SLC2A14: variants seen among roughly 807,000 people sequenced by gnomAD.
SLC2A14 encodes the protein solute carrier family 2 member 14.
SLC2A14 carries 13 observed loss-of-function variants against 43.0 expected under a neutral mutation model. The observed-to-expected ratio is 0.30, with a 90% CI of 0.20 to 0.48. SLC2A14 has a LOEUF of 0.48. Ranked by LOEUF, SLC2A14 falls within the 20% of genes least tolerant of loss-of-function variation. SLC2A14 has a pLI of 0.99. For missense variants in SLC2A14, 428 were observed against 620.4 expected (o/e 0.69, Z 3.29); for synonymous variants, 190 against 233.8 (o/e 0.81, Z 1.71).
At chr12:7,828,934 A>C in intron 5 of SLC2A14, 68 bp from the exon 6 acceptor site, 2 of 1,568,664 alleles carry the variant, frequency 1.3e-6, no homozygotes, top group Non-Finnish European at 1.7e-6. Context: ...TTGAAACACA[A>C]AAAGTTGGCT....
chr12:7,840,084 C>G (rs771697499), intron 2 of SLC2A14, among the ~76,000 whole-genome samples: 1 of 144,168 alleles, frequency 6.9e-6, no homozygotes, highest in Non-Finnish European at 1.5e-5. Flanking sequence ...TGAACTCCAG[C>G]CTGGGAGACA....
chr12:7,858,884 C>T (rs1389690970), intron 2 of SLC2A14, among the ~76,000 whole-genome samples: 1 of 152,128 alleles, frequency 6.6e-6, no homozygotes, highest in Non-Finnish European at 1.5e-5. Context: ...AATCATTACC[C>T]AATCCAAGAT....
intron 1 of SLC2A14, among the ~76,000 whole-genome samples, chr12:7,883,577 T>C (rs1945630418): frequency 6.8e-6 from 1 of 146,490 alleles, no homozygotes; most frequent in African/African-American, 2.5e-5. Context: ...CTTTTTCTTT[T>C]TCTTTTTCTT....
intron 1 of SLC2A14, among the ~76,000 whole-genome samples, chr12:7,885,932 T>C (rs1218486506): frequency 6.6e-6 from 1 of 152,092 alleles, no homozygotes; most frequent in Non-Finnish European, 1.5e-5. Context: ...TAGATACATA[T>C]GTGAAGATTT....
At chr12:7,855,056 C>T (rs1488294766) in intron 2 of SLC2A14, among the ~76,000 whole-genome samples, 1 of 152,082 alleles carries the variant, frequency 6.6e-6, no homozygotes, top group African/African-American at 2.4e-5. Context: ...GATCCACCCA[C>T]CTCGGCCTCC....
At chr12:7,855,564 A>G (rs954794315) in intron 2 of SLC2A14, among the ~76,000 whole-genome samples, 1 of 152,216 alleles carries the variant, frequency 6.6e-6, no homozygotes, top group South Asian at 2.1e-4. Context: ...CTCCTCAACC[A>G]GTGTGATGCC....
chr12:7,882,890 T>TA (rs35888324), intron 1 of SLC2A14, among the ~76,000 whole-genome samples: 43,780 of 148,622 alleles, frequency 0.29, 6,354 homozygotes, highest in South Asian at 0.36. Flanking sequence ...AATTCAAGTT[T>TA]AAAAAAAAAA....
upstream of SLC2A14, among the ~76,000 whole-genome samples, chr12:7,878,007 C>T (rs1945492302): frequency 6.6e-6 from 1 of 152,130 alleles, no homozygotes; most frequent in South Asian, 2.1e-4. Context: ...TCCAAAAGTG[C>T]TGGGATTACA....
chr12:7,862,884 A>C lies in SLC2A14; in HGVS notation c.18+6979T>G, dbSNP rs559576830. ...CTAATCTGATGGGCACGTGGAGAACATTTGTATCTGGCTCAGGGATTGTAA... is the reference window on the plus strand; with the variant it reads ...CTAATCTGATGGGCACGTGGAGAACCTTTGTATCTGGCTCAGGGATTGTAA... On this transcript the variant is annotated intron_variant, in intron 2 of 10. Transcript: ENST00000431042. Among the ~76,000 whole-genome samples, 18 of 151,968 alleles carry C rather than the reference A, an allele frequency of 1.2e-4. 1 individual carries two copies. The highest frequency in any genetic ancestry group is 2.5e-4 in the Non-Finnish European group (17 of 67,994).
intron 1 of SLC2A14, among the ~76,000 whole-genome samples, chr12:7,880,654 C>G (rs1485707696): frequency 7.1e-6 from 1 of 139,864 alleles, no homozygotes; most frequent in African/African-American, 2.7e-5. Flanking sequence ...TGGAGAAACC[C>G]TGTCTCTACT....
chr12:7,814,852 C>T (rs771705571), intron 10 of SLC2A14, among the ~76,000 whole-genome samples: 30 of 151,754 alleles, frequency 2.0e-4, no homozygotes, highest in East Asian at 9.9e-4. Flanking sequence ...CAGGCTGGAG[C>T]GCAATGGCAG....
chr12:7,817,678 AATCGCTTG>A (rs963881774), intron 10 of SLC2A14, among the ~76,000 whole-genome samples, 145 bp downstream of exon 10: 1 of 152,024 alleles, frequency 6.6e-6, no homozygotes, highest in Non-Finnish European at 1.5e-5. Context: ...GAGGCAGAAG[AATCGCTTG>A]TCAGTGAGCT....
At position 7,817,944 on chromosome 12, in the gene SLC2A14, A is replaced by G; in HGVS notation, c.1162T>C (p.Phe388Leu). 1 of 1,614,108 alleles carries G rather than the reference A, an allele frequency of 6.2e-7. No individual in the cohort carries two copies. The highest frequency in any genetic ancestry group is 8.5e-7 in the Non-Finnish European group (1 of 1,180,034). Residue 388 changes from phenylalanine to leucine, a missense_variant, in exon 10 of 11, where the codon TTT becomes CTT. Coordinates refer to ENST00000431042, the MANE Select transcript of SLC2A14 (RefSeq NM_001286234.2). ...FEIGPGPIPWFIVAELFSQGP... is the reference protein window; with the variant it reads ...FEIGPGPIPWLIVAELFSQGP... The stretch of plus-strand genomic sequence containing the variant: ...TGGCTGAAGAGTTCGGCCACAATAA[A>G]CCAGGGAATGGGGCCTGGTCCAATT...
intron 2 of SLC2A14, among the ~76,000 whole-genome samples, chr12:7,855,809 G>C (rs1416363522): frequency 6.6e-6 from 1 of 151,592 alleles, no homozygotes; most frequent in Non-Finnish European, 1.5e-5. Flanking sequence ...GCTAATTTTT[G>C]TATTTTTAGT....
rs1336104476 is a variant in SLC2A14, at chr12:7,886,152, T to A, written c.132+4844A>T. ...GCATGTACCACCACGCCCGGACAGC[T>A]TTTTTTTTTTTTTTTTTTTTTTTTT... On this transcript the variant is annotated intron_variant, in intron 1 of 9. Transcript: ENST00000539924. Among the ~76,000 whole-genome samples, 23 of 2,724 alleles carry A rather than the reference T, an allele frequency of 8.4e-3. No homozygotes were observed. The African/African-American group carries it at 0.085, about 10-fold the overall frequency. 1.8% of individuals were successfully genotyped at this position (2,724 alleles called of 152,430 possible). A position where few individuals can be genotyped will look rare whatever the true frequency, so the allele number is the denominator to read the frequency against.
At chr12:7,881,526 G>A (rs2121107572) in intron 1 of SLC2A14, among the ~76,000 whole-genome samples, 1 of 152,286 alleles carries the variant, frequency 6.6e-6, no homozygotes, top group East Asian at 1.9e-4. Context: ...CCATGGGGCA[G>A]GGCTCAGGAC....
intron 1 of SLC2A14, chr12:7,872,527 C>G (rs1251370652): frequency 6.5e-6 from 1 of 153,410 alleles, no homozygotes. Context: ...TGTCTCTTCC[C>G]TAGAATATAC....
At chr12:7,822,585 C>T (rs1321374990) in intron 7 of SLC2A14, among the ~76,000 whole-genome samples, 3 of 150,384 alleles carry the variant, frequency 2.0e-5, no homozygotes, top group East Asian at 2.0e-4. Context: ...AGGAGAATGG[C>T]GTGAACCTGG....
rs151058361 is a variant in SLC2A14 at position 7,825,578 on chromosome 12, A to G, written c.864+1917T>C. The stretch of plus-strand genomic sequence containing the variant: ...GGAGATTGAGACTATCTTGGCTAAC[A>G]CACAGAAACCCAATCTCTACTAAAA... On this transcript the variant is annotated intron_variant, in intron 7 of 10. Coordinates refer to ENST00000431042, the MANE Select transcript of SLC2A14 (RefSeq NM_001286234.2). 7.9e-3 allele frequency among the ~76,000 whole-genome samples: 1,192 copies of G among 151,840 alleles called. 16 individuals carry two copies. Among genetic ancestry groups the G allele is most frequent in the African/African-American group, 0.027 (1,100 of 41,400 alleles).
Sources: allele counts gnomAD v4.1 joint callset (sites outside exome capture counted in the v4.1 genomes callset), GRCh38; gene constraint gnomAD v4.1.1; transcripts MANE v1.5; gene names NCBI Gene and HGNC (gene_info 2026-07-23, HGNC 2026-07-21).